Variants in TNC observed in about 807,000 individuals in gnomAD.
The protein encoded by TNC is tenascin.
In TNC, 109 loss-of-function variants were observed where a neutral mutation model predicts 202.4. That is an observed-to-expected ratio of 0.54 (90% confidence interval 0.46 to 0.63). TNC has a LOEUF of 0.63. TNC is among the 30% of genes least tolerant of loss of function. The pLI is 0.00. For missense variants in TNC, 2,756 were observed against 2,833.3 expected (o/e 0.97, Z 0.62); for synonymous variants, 1,007 against 1,089.7 (o/e 0.92, Z 1.50).
At chr9:115,073,483 G>T in intron 10 of TNC, 120 bp downstream of exon 10, 2 of 1,240,364 alleles carry the variant, frequency 1.6e-6, no homozygotes, top group East Asian at 2.4e-5. Flanking sequence ...AGGGGCTTCA[G>T]AGATGGAGAA....
intron 15 of TNC, among the ~76,000 whole-genome samples, chr9:115,054,210 G>A (rs906895846): frequency 2.6e-5 from 4 of 152,170 alleles, no homozygotes; most frequent in African/African-American, 7.2e-5. Context: ...GAGGAAAGAA[G>A]GGGCTCATTT....
At chr9:115,064,558 G>T in intron 11 of TNC, 89 bp downstream of exon 11, 1 of 1,464,004 alleles carries the variant, frequency 6.8e-7, no homozygotes, top group South Asian at 1.3e-5. Flanking sequence ...GGCAGAACAA[G>T]TCCATTCCAA....
chr9:115,105,729 T>A (rs1311867420), intron 1 of TNC, among the ~76,000 whole-genome samples: 2 of 152,184 alleles, frequency 1.3e-5, no homozygotes, highest in African/African-American at 4.8e-5. Flanking sequence ...AAGTGTAATC[T>A]ACAACACGTT....
chr9:115,068,577 C>G (rs941006218), intron 10 of TNC, among the ~76,000 whole-genome samples: 2 of 152,158 alleles, frequency 1.3e-5, no homozygotes, highest in African/African-American at 2.4e-5. Context: ...AAATGAGAAG[C>G]CTTGGCTGCC....
intron 13 of TNC, 84 bp downstream of exon 13, chr9:115,062,833 A>G: frequency 6.8e-7 from 1 of 1,478,482 alleles, no homozygotes; most frequent in South Asian, 1.3e-5. Flanking sequence ...TTGGGGTAGG[A>G]TTCTGCCACA....
In TNC at chr9:115,086,634, C is replaced by T; in HGVS notation, c.1097G>A (p.Gly366Asp). 2 of 1,614,190 alleles carry T rather than the reference C, an allele frequency of 1.2e-6. No homozygotes were observed. Among genetic ancestry groups the T allele is most frequent in the Non-Finnish European group, 1.7e-6 (2 of 1,180,046 alleles). The change falls in exon 3 of 28, where the codon GGC becomes GAC. Residue 366 changes from glycine (G) to aspartate (D), a missense_variant. This residue lies in a region of TNC where 2,559 missense variants were observed against 2,546.0 expected (regional missense o/e 1.01). Coordinates refer to ENST00000350763, the MANE Select transcript of TNC (RefSeq NM_002160.4). ...CEEGQCVCDE[G>D]FAGVDCSEKR... Reference sequence around the variant, plus strand: ...CTCGCTGCAGTCCACACCGGCAAAGCCCTCATCACATACACACTGCCCCTC... The same window carrying T: ...CTCGCTGCAGTCCACACCGGCAAAGTCCTCATCACATACACACTGCCCCTC...
intron 17 of TNC, among the ~76,000 whole-genome samples, 187 bp from the exon 18 acceptor site, chr9:115,042,528 C>T (rs575332837): frequency 6.6e-6 from 1 of 152,242 alleles, no homozygotes; most frequent in Admixed American, 6.5e-5. Flanking sequence ...TGTTTCATTT[C>T]AGGTACAGGG....
intron 1 of TNC, among the ~76,000 whole-genome samples, chr9:115,100,824 A>AATT (rs1349128119): frequency 1.3e-5 from 2 of 152,234 alleles, no homozygotes; most frequent in African/African-American, 4.8e-5. Context: ...ACATATATTA[A>AATT]ATTATCACGT....
At chr9:115,110,672 T>G (rs936183494) in intron 1 of TNC, among the ~76,000 whole-genome samples, 1 of 152,196 alleles carries the variant, frequency 6.6e-6, no homozygotes, top group Non-Finnish European at 1.5e-5. Flanking sequence ...GAACAATGGA[T>G]GAGTTTTAGT....
rs752435283 is a variant in TNC, at chr9:115,087,698, C to CTTTTTT, written c.458-431_458-426dup. 3.4e-3 allele frequency among the ~76,000 whole-genome samples: 406 copies of CTTTTTT among 119,636 alleles called. 1 individual carries two copies. The highest frequency in any genetic ancestry group is 4.9e-3 in the Non-Finnish European group (285 of 57,892). The allele number at this position is 119,636 out of a possible 152,430, so 78.5% of individuals were successfully genotyped here. On this transcript the variant is annotated intron_variant, in intron 2 of 27. Coordinates refer to ENST00000350763, the MANE Select transcript of TNC (RefSeq NM_002160.4). ...GGCTATGTTACTATTTCTTTCTTTT[C>CTTTTTT]TTTTTTTTTTTTTTTTTTTTTGAGA...
chr9:115,036,378 A>T, intron 20 of TNC, 137 bp from the exon 21 acceptor site: 1 of 936,864 alleles, frequency 1.1e-6, no homozygotes, highest in Non-Finnish European at 1.6e-6. Flanking sequence ...CTGATTTCTG[A>T]AATGACTCAC....
chr9:115,060,265 G>A (rs1832447961), intron 13 of TNC, among the ~76,000 whole-genome samples: 1 of 152,156 alleles, frequency 6.6e-6, no homozygotes, highest in South Asian at 2.1e-4. Context: ...AACCCACCGG[G>A]AGCATGCATT....
chr9:115,031,873 C>T (rs539641587), intron 22 of TNC, among the ~76,000 whole-genome samples, 188 bp from the exon 23 acceptor site: 2 of 152,216 alleles, frequency 1.3e-5, no homozygotes, highest in South Asian at 4.1e-4. Context: ...GGGGAGAGTA[C>T]AGCACAAGCA....
At position 115,073,843 on chromosome 9, in the gene TNC, G is replaced by T; in HGVS notation, c.2974C>A (p.Gln992Lys). The T allele has an allele frequency of 6.2e-7, 1 of 1,612,080 alleles. No individual in the cohort carries two copies. The highest frequency in any genetic ancestry group is 8.5e-7 in the Non-Finnish European group (1 of 1,179,994). ...CTGGTCTCTGCAGTTTCAGAAACCT[G>T]AAGGTCCTTGGGCGTGTCCAACTCT... Reference protein sequence around the residue: ...ATELDTPKDLQVSETAETSLT... With the variant: ...ATELDTPKDLKVSETAETSLT... Residue 992 changes from glutamine to lysine, a missense_variant, in exon 10 of 28, where the codon CAG (glutamine) becomes AAG (lysine). By Grantham distance (53) the Gln-to-Lys change is moderately conservative. Coordinates refer to ENST00000350763, the MANE Select transcript of TNC (RefSeq NM_002160.4).
rs780408823 is a variant in TNC at position 115,035,180 on chromosome 9, G to A, written c.5787+24C>T. On this transcript the variant is annotated intron_variant, in intron 22 of 27. Coordinates refer to ENST00000350763, the MANE Select transcript of TNC (RefSeq NM_002160.4). ...ATGCAAATGCTTCAACTAGCATTGA[G>A]GAGTTGTTATATACTTAAAATACCT... 16 of 1,582,380 alleles carry A rather than the reference G, an allele frequency of 1.0e-5. No individual in the cohort carries two copies. In the Admixed American group the frequency reaches 2.9e-4, roughly 29 times the overall value.
Position 115,020,891 on chromosome 9 carries a change from T to G in TNC, c.*266A>C, listed in dbSNP as rs1829015485. The G allele has an allele frequency of 2.3e-6, 1 of 435,134 alleles. No individual in the cohort carries two copies. The allele number at this position is 435,134 out of a possible 1,614,324, so 27.0% of individuals were successfully genotyped here. ...CCACCTAAGAGAAGTAAAAAACTAT[T>G]GCGATGTTGTCACTGGGAGATTTTT... On this transcript the variant is annotated 3_prime_UTR_variant, in exon 28 of 28. Coordinates refer to ENST00000350763, the MANE Select transcript of TNC (RefSeq NM_002160.4).
chr9:115,048,411 C>T lies in TNC; in HGVS notation c.4701G>A (p.Gly1567=). 2 of 1,614,040 alleles carry T rather than the reference C, an allele frequency of 1.2e-6. No homozygotes were observed. The highest frequency in any genetic ancestry group is 1.7e-6 in the Non-Finnish European group (2 of 1,179,974). The change falls in exon 16 of 28, where the codon GGG becomes GGA. Residue 1567 remains glycine, a synonymous_variant. Coordinates refer to ENST00000350763, the MANE Select transcript of TNC (RefSeq NM_002160.4). ...DSFLVTVVDS[G]KLLDPQEFTL... ...TGAATTCCTGGGGGTCCAGCAGCTT[C>T]CCAGAATCCACCACCGTTACTAGAA...
chr9:115,081,938 A>G lies in TNC; in HGVS notation c.2248-10T>C. ...CCTCATCTTCTTTATTCTGAGAGAT[A>G]GAGGCAGCTTGGTAAGAGTTAGGGG... On this transcript the variant is annotated splice_polypyrimidine_tract_variant and intron_variant, in intron 5 of 27. Coordinates refer to ENST00000350763, the MANE Select transcript of TNC (RefSeq NM_002160.4). 2 of 1,580,426 alleles carry G rather than the reference A, an allele frequency of 1.3e-6. No individual in the cohort carries two copies. The highest frequency in any genetic ancestry group is 1.7e-6 in the Non-Finnish European group (2 of 1,171,760).
chr9:115,056,056 G>A (rs1348879290), intron 15 of TNC, among the ~76,000 whole-genome samples: 2 of 152,164 alleles, frequency 1.3e-5, no homozygotes, highest in Non-Finnish European at 2.9e-5. Context: ...GTAGAATGAG[G>A]ACAGACCCTC....
Sources: allele counts gnomAD v4.1 joint callset (sites outside exome capture counted in the v4.1 genomes callset), GRCh38; gene constraint gnomAD v4.1.1; regional missense constraint gnomAD v4.1.1; transcripts MANE v1.5; gene names NCBI Gene and HGNC (gene_info 2026-07-23, HGNC 2026-07-21).